The following CYSTM1 variants were observed in gnomAD, a reference collection of about 807,000 sequenced individuals.
The protein encoded by CYSTM1 is cysteine-rich transmembrane module-containing protein 1.
A neutral mutation model predicts 13.1 loss-of-function variants in CYSTM1; 4 were observed. The ratio of observed to expected loss-of-function variants is 0.31; its 90% confidence interval spans 0.15 to 0.70. The LOEUF (loss-of-function observed/expected upper bound fraction) is 0.70. CYSTM1 is among the 30% of genes least tolerant of loss of function. The probability of loss-of-function intolerance (pLI) is 0.72; values close to 1 mark genes in which losing one functional copy is unlikely to be tolerated. For missense variants in CYSTM1, 96 were observed against 121.6 expected, an observed-to-expected ratio of 0.79 and a Z score of 0.99; for synonymous variants, 36 against 42.7, an observed-to-expected ratio of 0.84 and a Z score of 0.62.
intron 2 of CYSTM1, among the ~76,000 whole-genome samples, chr5:140,215,404 C>T (rs1214355861): frequency 3.3e-5 from 5 of 152,064 alleles, no homozygotes; most frequent in Middle Eastern, 3.4e-3. Context: ...AAGTCCAGAG[C>T]GATCAGTGGT....
chr5:140,194,565 C>A lies in CYSTM1; in HGVS notation c.100C>A (p.Pro34Thr). Residue 34 changes from proline (P) to threonine (T), a missense_variant, in exon 2 of 3, where the codon CCC becomes ACC. Coordinates refer to ENST00000261811, the MANE Select transcript of CYSTM1 (RefSeq NM_032412.4). ...AATGGGTCCAGGACCTATGGGGGGA[C>A]CCTACCCACCTCCTCAAGGGTACCC... ...QPMGPGPMGG[P>T]YPPPQGYPYQ... 3 of 1,613,740 alleles carry A rather than the reference C, an allele frequency of 1.9e-6. No individual in the cohort carries two copies. The highest frequency in any genetic ancestry group is 2.2e-5 in the East Asian group (1 of 44,878).
chr5:140,228,282 C>G (rs1764582494), intron 2 of CYSTM1, among the ~76,000 whole-genome samples: 1 of 152,180 alleles, frequency 6.6e-6, no homozygotes, highest in Non-Finnish European at 1.5e-5. Context: ...CCCACTCCTG[C>G]TAACAGTGTA....
intron 2 of CYSTM1, among the ~76,000 whole-genome samples, chr5:140,206,945 T>C (rs368167086): frequency 1.9e-4 from 29 of 152,328 alleles, no homozygotes; most frequent in African/African-American, 7.0e-4. Context: ...TCAGTTTATC[T>C]TCTAAACTGA....
intron 2 of CYSTM1, among the ~76,000 whole-genome samples, chr5:140,226,788 GGGATATTTCCA>G (rs1278541456): frequency 6.7e-6 from 1 of 149,538 alleles, no homozygotes; most frequent in Non-Finnish European, 1.5e-5. Flanking sequence ...AAATGTGGAG[GGGATATTTCCA>G]GGACACAGGA....
At position 140,194,642 on chromosome 5, in the gene CYSTM1, T is replaced by A; in HGVS notation, c.177T>A (p.Pro59=). 1 of 1,612,498 alleles carries A rather than the reference T, an allele frequency of 6.2e-7. No homozygotes were observed. The highest frequency in any genetic ancestry group is 8.5e-7 in the Non-Finnish European group (1 of 1,179,400). Residue 59 remains proline (P), a synonymous_variant, in exon 2 of 3, where the codon CCT becomes CCA. Coordinates refer to ENST00000261811, the MANE Select transcript of CYSTM1 (RefSeq NM_032412.4). ...YGWQGGPQEP[P]KTTVYVVEDQ... ...GGCAGGGTGGACCTCAGGAGCCTCC[T>A]AAAACCACAGGTGTGTGTCTCTGAA...
intron 2 of CYSTM1, among the ~76,000 whole-genome samples, chr5:140,223,189 G>A (rs1265500296): frequency 6.6e-6 from 1 of 152,202 alleles, no homozygotes; most frequent in Non-Finnish European, 1.5e-5. Context: ...GAGATCCCAG[G>A]TTCTGGGTAG....
chr5:140,208,902 G>T (rs938192750), intron 2 of CYSTM1, among the ~76,000 whole-genome samples: 1 of 151,900 alleles, frequency 6.6e-6, no homozygotes, highest in Non-Finnish European at 1.5e-5. Flanking sequence ...AGCCAGGTGT[G>T]GTGGCAGGCG....
At chr5:140,196,600 C>T (rs1290618265) in intron 2 of CYSTM1, among the ~76,000 whole-genome samples, 1 of 152,192 alleles carries the variant, frequency 6.6e-6, no homozygotes, top group African/African-American at 2.4e-5. Flanking sequence ...TTTTATCATG[C>T]ATGCTCGGAA....
At chr5:140,212,162 A>G (rs1383180407) in intron 2 of CYSTM1, among the ~76,000 whole-genome samples, 1 of 152,212 alleles carries the variant, frequency 6.6e-6, no homozygotes. Context: ...TAGCTGAGCT[A>G]TGAATTGAAC....
At chr5:140,234,251 G>A (rs1764651406) in intron 2 of CYSTM1, among the ~76,000 whole-genome samples, 1 of 152,178 alleles carries the variant, frequency 6.6e-6, no homozygotes, top group Non-Finnish European at 1.5e-5. Flanking sequence ...TGTCAAACCA[G>A]TTAGCCATGT....
intron 1 of CYSTM1, among the ~76,000 whole-genome samples, chr5:140,192,970 A>G (rs1202973373): frequency 6.6e-6 from 1 of 152,194 alleles, no homozygotes; most frequent in Non-Finnish European, 1.5e-5. Flanking sequence ...ATCAAAGTCC[A>G]CTGCTACTGT....
At chr5:140,216,388 A>G (rs1764426486) in intron 2 of CYSTM1, among the ~76,000 whole-genome samples, 1 of 152,202 alleles carries the variant, frequency 6.6e-6, no homozygotes, top group African/African-American at 2.4e-5. Flanking sequence ...GTGAACCTGT[A>G]TCTGTAAGAG....
intron 2 of CYSTM1, among the ~76,000 whole-genome samples, chr5:140,199,615 T>C (rs1764203223): frequency 6.6e-6 from 1 of 152,152 alleles, no homozygotes; most frequent in African/African-American, 2.4e-5. Context: ...CTCAGCCCCC[T>C]GAGTAGCTGG....
chr5:140,209,435 T>A (rs891164071), intron 2 of CYSTM1, among the ~76,000 whole-genome samples: 8 of 146,118 alleles, frequency 5.5e-5, no homozygotes, highest in African/African-American at 7.6e-5. Context: ...CCTGGCTAAT[T>A]TTTTTTTTTT....
chr5:140,200,359 A>G (rs1764211022), intron 2 of CYSTM1: 1 of 152,058 alleles, frequency 6.6e-6, no homozygotes, highest in Admixed American at 6.5e-5. Context: ...TTTTCCCAAT[A>G]CCATTTATTA....
chr5:140,193,659 A>G, intron 1 of CYSTM1, among the ~76,000 whole-genome samples: 1 of 152,226 alleles, frequency 6.6e-6, no homozygotes, highest in South Asian at 2.1e-4. Flanking sequence ...GCTGGCCCTG[A>G]AAACTTCAAG....
chr5:140,204,574 C>T lies in CYSTM1; in HGVS notation c.187+9922C>T, dbSNP rs1353163819. Among the ~76,000 whole-genome samples, 4 of 148,776 alleles carry T rather than the reference C, an allele frequency of 2.7e-5. No homozygotes were observed. In the East Asian group the frequency reaches 7.8e-4, roughly 29 times the overall value. On this transcript the variant is annotated intron_variant, in intron 2 of 2. Transcript: ENST00000261811. Reference sequence around the variant, plus strand: ...ACAAAAAACCACCAAAAAATTATAACAGAACACCAGTTTCCTGGTAGACAG... The same window carrying T: ...ACAAAAAACCACCAAAAAATTATAATAGAACACCAGTTTCCTGGTAGACAG...
At chr5:140,218,726 C>T (rs1764458571) in intron 2 of CYSTM1, among the ~76,000 whole-genome samples, 1 of 152,192 alleles carries the variant, frequency 6.6e-6, no homozygotes, top group Non-Finnish European at 1.5e-5. Flanking sequence ...AACATACTAT[C>T]CAGGAGGGTG....
At chr5:140,212,748 C>A (rs1764383253) in intron 2 of CYSTM1, among the ~76,000 whole-genome samples, 1 of 152,040 alleles carries the variant, frequency 6.6e-6, no homozygotes, top group African/African-American at 2.4e-5. Context: ...GAGTGGACTG[C>A]TTGAGCCCAG....
Sources: gnomAD v4.1 joint callset for allele counts (sites outside exome capture counted in the v4.1 genomes callset) on GRCh38, gnomAD v4.1.1 for gene constraint, MANE v1.5 for transcripts, NCBI Gene and HGNC (gene_info 2026-07-23, HGNC 2026-07-21) for gene names.